The following ATXN8OS variants were observed in gnomAD, a reference collection of about 807,000 sequenced individuals.
ATXN8OS encodes ATXN8 opposite strand (non-protein coding).
At chr13:70,162,937 G>A (rs1232681589) in intron 4 of ATXN8OS, among the ~76,000 whole-genome samples, 5 of 151,980 alleles carry the variant, frequency 3.3e-5, no homozygotes, top group Non-Finnish European at 7.4e-5. Context: ...TTGTAGGTCT[G>A]AGCCCAATAC....
intron 4 of ATXN8OS, among the ~76,000 whole-genome samples, chr13:70,168,174 A>G (rs908061924): frequency 6.6e-6 from 1 of 152,106 alleles, no homozygotes; most frequent in African/African-American, 2.4e-5. Flanking sequence ...TGAGAACAAG[A>G]AAAAGGAAAG....
chr13:70,108,795 C>A lies in ATXN8OS; in HGVS notation n.240+776C>A, dbSNP rs1340362450. 2.0e-5 allele frequency among the ~76,000 whole-genome samples: 3 copies of A among 152,340 alleles called. No individual in the cohort carries two copies. In the East Asian group the frequency reaches 5.8e-4, roughly 29 times the overall value. ...GCTTGAATTATTTAATGAACCGCGT[C>A]TTTTAACCTTTAGCCTTAGTTTCTC... is the stretch of plus-strand genomic sequence containing the variant. On this transcript the variant is annotated intron_variant and non_coding_transcript_variant, in intron 1 of 4. Transcript: ENST00000678624.
At chr13:70,115,272 A>G (rs1488213728) in exon 2 of ATXN8OS, 6 of 398,290 alleles carry the variant, frequency 1.5e-5, no homozygotes, top group Non-Finnish European at 2.7e-5. Context: ...ACATGGCAGA[A>G]GAGCAGAGGA....
chr13:70,157,125 A>ATTT (rs5804488), intron 4 of ATXN8OS, among the ~76,000 whole-genome samples: 2 of 151,868 alleles, frequency 1.3e-5, no homozygotes, highest in African/African-American at 4.8e-5. Context: ...TTTCATACCG[A>ATTT]TTTTTTGATT....
At chr13:70,139,020 G>A (rs558900313) in intron 3 of ATXN8OS, among the ~76,000 whole-genome samples, 2 of 152,148 alleles carry the variant, frequency 1.3e-5, no homozygotes, top group East Asian at 3.9e-4. Flanking sequence ...AGTATGAATT[G>A]CATATATAGT....
chr13:70,131,472 T>G (rs1429929843), intron 3 of ATXN8OS: 1 of 398,394 alleles, frequency 2.5e-6, no homozygotes, highest in African/African-American at 2.1e-5. Context: ...TCCCTTACCT[T>G]TTCTCCAGTC....
intron 4 of ATXN8OS, among the ~76,000 whole-genome samples, chr13:70,148,795 A>G (rs1311609013): frequency 6.6e-6 from 1 of 152,120 alleles, no homozygotes; most frequent in Non-Finnish European, 1.5e-5. Context: ...AAAACAAGCA[A>G]ATGAAAATAT....
At chr13:70,145,050 G>A (rs1888763786) in intron 3 of ATXN8OS, among the ~76,000 whole-genome samples, 1 of 152,110 alleles carries the variant, frequency 6.6e-6, no homozygotes, top group African/African-American at 2.4e-5. Flanking sequence ...AAGGGATCCA[G>A]TTTCAGCTTT....
At chr13:70,121,321 T>C (rs187552668) in intron 2 of ATXN8OS, among the ~76,000 whole-genome samples, 15 of 152,064 alleles carry the variant, frequency 9.9e-5, no homozygotes, top group Non-Finnish European at 2.1e-4. Context: ...CTGCTCATGA[T>C]AGTGTGGGAG....
chr13:70,110,704 CT>C (rs1888188360), intron 1 of ATXN8OS, among the ~76,000 whole-genome samples: 1 of 151,786 alleles, frequency 6.6e-6, no homozygotes, highest in Non-Finnish European at 1.5e-5. Flanking sequence ...AAATACTGCA[CT>C]AATTAATTTA....
intron 3 of ATXN8OS, chr13:70,131,653 A>G: frequency 2.5e-6 from 1 of 396,152 alleles, no homozygotes; most frequent in Non-Finnish European, 4.4e-6. Context: ...TCCTTTTCTC[A>G]TGGAGACATT....
chr13:70,110,520 T>C (rs1213823112), intron 1 of ATXN8OS, among the ~76,000 whole-genome samples: 1 of 136,836 alleles, frequency 7.3e-6, no homozygotes, highest in East Asian at 2.1e-4. Context: ...GAAAAAAAAA[T>C]GGAAGAAAGA....
At chr13:70,158,459 G>A (rs1888963789) in intron 4 of ATXN8OS, among the ~76,000 whole-genome samples, 1 of 152,116 alleles carries the variant, frequency 6.6e-6, no homozygotes, top group Admixed American at 6.6e-5. Context: ...GCAGAAATAT[G>A]TAATAGGACA....
At chr13:70,107,638 A>G (rs1888105693), upstream of ATXN8OS, 3 of 1,562,002 alleles carry the variant, frequency 1.9e-6, no homozygotes, top group East Asian at 2.2e-5. Context: ...GTGGCTGAAG[A>G]GTTTCCAGCG....
At chr13:70,129,117 C>A (rs947696807) in intron 2 of ATXN8OS, among the ~76,000 whole-genome samples, 2 of 152,148 alleles carry the variant, frequency 1.3e-5, no homozygotes, top group African/African-American at 4.8e-5. Context: ...GCCTCGGCCT[C>A]CCAAAGTGCT....
chr13:70,157,716 T>A (rs1593776489), intron 4 of ATXN8OS, among the ~76,000 whole-genome samples: 2 of 152,240 alleles, frequency 1.3e-5, no homozygotes, highest in Middle Eastern at 6.8e-3. Flanking sequence ...AAGTCAAGAT[T>A]CTAAACAGAT....
At position 70,150,963 on chromosome 13, in the gene ATXN8OS, T is replaced by A. The variant is rs185194873; in HGVS notation, n.573+3535T>A. ...AGCAGGCATTGGCACTATATTTTTT[T>A]AAAAAACAGCTTTATCAAGGTGTGA... is the stretch of plus-strand genomic sequence containing the variant. On this transcript the variant is annotated intron_variant and non_coding_transcript_variant, in intron 4 of 4. Transcript: ENST00000678624. Among the ~76,000 whole-genome samples, 1,123 of 152,196 alleles carry A rather than the reference T, an allele frequency of 7.4e-3. 14 individuals are homozygous for A. Among genetic ancestry groups the A allele is most frequent in the African/African-American group, 0.025 (1,059 of 41,556 alleles).
chr13:70,149,564 A>C (rs1888836963), intron 4 of ATXN8OS, among the ~76,000 whole-genome samples: 1 of 152,182 alleles, frequency 6.6e-6, no homozygotes, highest in Non-Finnish European at 1.5e-5. Flanking sequence ...AAATAGCTAT[A>C]AAAATGTTGA....
intron 3 of ATXN8OS, among the ~76,000 whole-genome samples, chr13:70,146,929 A>T (rs9564662): frequency 0.086 from 13,138 of 152,134 alleles, 619 homozygotes; most frequent in Middle Eastern, 0.19. Flanking sequence ...ATGAAATTTT[A>T]AAAAAAGTGT....
Sources: gnomAD v4.1 joint callset for allele counts (sites outside exome capture counted in the v4.1 genomes callset) on GRCh38, gnomAD v4.1.1 for gene constraint, MANE v1.5 for transcripts, NCBI Gene and HGNC (gene_info 2026-07-23, HGNC 2026-07-21) for gene names.